ZRANB2: variants seen among roughly 807,000 people sequenced by gnomAD.
The protein encoded by ZRANB2 is zinc finger RANBP2-type containing 2.
A neutral mutation model predicts 53.4 loss-of-function variants in ZRANB2; 19 were observed. That is an observed-to-expected ratio of 0.36 (90% CI 0.25 to 0.52). ZRANB2 has a LOEUF of 0.52. ZRANB2 is among the 20% of genes least tolerant of loss of function. ZRANB2 has a pLI of 0.93. For missense variants in ZRANB2, 309 were observed against 401.1 expected (o/e 0.77, Z 1.96); for synonymous variants, 145 against 134.8 (o/e 1.08, Z -0.52).
chr1:71,070,769 TA>T (rs1477065354), intron 7 of ZRANB2, 57 bp downstream of exon 7: 1 of 1,067,304 alleles, frequency 9.4e-7, no homozygotes, highest in Non-Finnish European at 1.3e-6. Context: ...AATTTATAAA[TA>T]AAAAAGTTAG....
chr1:71,080,846 C>T (rs1283937425), intron 1 of ZRANB2, 94 bp downstream of exon 1: 4 of 1,465,144 alleles, frequency 2.7e-6, no homozygotes, highest in Non-Finnish European at 3.8e-6. Context: ...CGTCTTAAGG[C>T]ACAGAAAATC....
chr1:71,064,777 G>A lies in ZRANB2; in HGVS notation c.*297C>T. ...CAATGGACAGGATGTATTTGGAAAT[G>A]ACAAAAATGGGTTTAAATTAGGAAG... is the stretch of plus-strand genomic sequence containing the variant. On this transcript the variant is annotated 3_prime_UTR_variant, in exon 10 of 10. Coordinates refer to ENST00000370920, the MANE Select transcript of ZRANB2 (RefSeq NM_203350.3). The A allele has an allele frequency of 4.6e-6, 1 of 216,414 alleles. No individual in the cohort carries two copies. Among genetic ancestry groups the A allele is most frequent in the East Asian group, 1.1e-4 (1 of 9,102 alleles). 13.4% of individuals were successfully genotyped at this position (216,414 alleles called of 1,614,324 possible). A position where few individuals can be genotyped will look rare whatever the true frequency, so the allele number is the denominator to read the frequency against.
At chr1:71,072,812 G>A (rs140978852) in intron 4 of ZRANB2, among the ~76,000 whole-genome samples, 2 of 152,034 alleles carry the variant, frequency 1.3e-5, no homozygotes, top group Non-Finnish European at 2.9e-5. Flanking sequence ...GAAAGTATTG[G>A]TGGAAAACAT....
At chr1:71,072,328 T>C in intron 5 of ZRANB2, 73 bp from the exon 6 acceptor site, 2 of 1,464,564 alleles carry the variant, frequency 1.4e-6, no homozygotes, top group South Asian at 1.3e-5. Flanking sequence ...TAAAAAATTA[T>C]TTTAGATATT....
chr1:71,080,877 A>G, intron 1 of ZRANB2, 63 bp downstream of exon 1: 5 of 1,579,802 alleles, frequency 3.2e-6, no homozygotes, highest in Non-Finnish European at 4.4e-6. Context: ...AAAATGCCGG[A>G]CGGACCTCGG....
At chr1:71,067,882 T>C (rs925700590) in intron 8 of ZRANB2, among the ~76,000 whole-genome samples, 10 of 151,612 alleles carry the variant, frequency 6.6e-5, no homozygotes, top group Non-Finnish European at 1.3e-4. Context: ...CTTCTATTTT[T>C]TTTTTTTTTT....
intron 1 of ZRANB2, among the ~76,000 whole-genome samples, chr1:71,079,846 C>T (rs1479059683): frequency 2.0e-5 from 3 of 152,158 alleles, no homozygotes; most frequent in Non-Finnish European, 2.9e-5. Flanking sequence ...CTATCCATAA[C>T]ATATAACTTT....
chr1:71,080,431 G>A (rs1661813450), intron 1 of ZRANB2, among the ~76,000 whole-genome samples: 1 of 152,170 alleles, frequency 6.6e-6, no homozygotes, highest in Non-Finnish European at 1.5e-5. Flanking sequence ...CCAAACCGAA[G>A]AGGGTAGAGC....
In ZRANB2 at chr1:71,070,874, T is replaced by C. The variant is rs200465322; in HGVS notation, c.636A>G (p.Arg212=). The change falls in exon 7 of 10, where the codon CGA becomes CGG. Residue 212 remains arginine, a synonymous_variant. Transcript: ENST00000370920. ...SRSKSRSSHS[R]SSSRSSSPSS... is the part of the protein sequence containing the mutation. ...AGGGGGAGGATGAGCGTGATGAAGATCGTGAATGTGAAGATCGAGACTTTG... is the reference window on the plus strand; with the variant it reads ...AGGGGGAGGATGAGCGTGATGAAGACCGTGAATGTGAAGATCGAGACTTTG... 1.5e-4 allele frequency: 248 copies of C among 1,610,024 alleles called. 1 individual carries two copies. Among genetic ancestry groups the C allele is most frequent in the South Asian group, 7.4e-4 (67 of 90,590 alleles).
chr1:71,068,820 CCT>C (rs1165480735), intron 8 of ZRANB2, among the ~76,000 whole-genome samples: 8 of 149,076 alleles, frequency 5.4e-5, no homozygotes, highest in South Asian at 2.1e-4. Flanking sequence ...TTGAGACACT[CCT>C]CTGTCACCCA....
At chr1:71,077,761 TGA>T (rs1303391287) in intron 3 of ZRANB2, among the ~76,000 whole-genome samples, 1 of 151,948 alleles carries the variant, frequency 6.6e-6, no homozygotes, top group Non-Finnish European at 1.5e-5. Context: ...GAGGCTGAAG[TGA>T]GAGGATTGCT....
intron 8 of ZRANB2, chr1:71,067,589 A>C (rs1661476551): frequency 5.0e-6 from 2 of 401,368 alleles, no homozygotes; most frequent in Non-Finnish European, 9.8e-6. Context: ...GTTTAAATAC[A>C]AATTTTTTTT....
At chr1:71,080,826 C>A in intron 1 of ZRANB2, 114 bp downstream of exon 1, 2 of 1,253,170 alleles carry the variant, frequency 1.6e-6, no homozygotes, top group Non-Finnish European at 2.3e-6. Context: ...GGCGGTTCGC[C>A]GCCTCAACCC....
intron 1 of ZRANB2, among the ~76,000 whole-genome samples, chr1:71,080,059 AG>A (rs1374600310): frequency 6.6e-6 from 1 of 152,162 alleles, no homozygotes; most frequent in African/African-American, 2.4e-5. Flanking sequence ...AACTAAACCC[AG>A]GTTTATTTCA....
rs1661383457 is a variant in ZRANB2 at position 71,064,762 on chromosome 1, G to A, written c.*312C>T. The A allele has an allele frequency of 1.0e-5, 2 of 200,866 alleles. No individual in the cohort carries two copies. Among genetic ancestry groups the A allele is most frequent in the African/African-American group, 4.7e-5 (2 of 42,884 alleles). 12.4% of individuals were successfully genotyped at this position (200,866 alleles called of 1,614,324 possible). On this transcript the variant is annotated 3_prime_UTR_variant, in exon 10 of 10. Coordinates refer to ENST00000370920, the MANE Select transcript of ZRANB2 (RefSeq NM_203350.3). ...TAATCCTGTCTTAGCCAATGGACAG[G>A]ATGTATTTGGAAATGACAAAAATGG...
At chr1:71,075,564 A>G (rs1661690112) in intron 4 of ZRANB2, among the ~76,000 whole-genome samples, 1 of 152,186 alleles carries the variant, frequency 6.6e-6, no homozygotes, top group Non-Finnish European at 1.5e-5. Context: ...AGAAAACACC[A>G]TGAAAATAGA....
At chr1:71,080,207 C>T (rs1376636491) in intron 1 of ZRANB2, among the ~76,000 whole-genome samples, 2 of 150,924 alleles carry the variant, frequency 1.3e-5, no homozygotes, top group African/African-American at 4.9e-5. Flanking sequence ...ATTTGTGCAC[C>T]CTTCAAAAAA....
At chr1:71,066,214 T>G (rs1661431241) in intron 9 of ZRANB2, 1 of 157,006 alleles carries the variant, frequency 6.4e-6, no homozygotes, top group African/African-American at 2.4e-5. Flanking sequence ...AAAGTGTCAG[T>G]ACAGATAAAG....
chr1:71,067,618 G>T, intron 8 of ZRANB2: 1 of 432,184 alleles, frequency 2.3e-6, no homozygotes, highest in Non-Finnish European at 4.7e-6. Context: ...GTATATTTTG[G>T]TTGAAGGAAT....
Sources: gnomAD v4.1 joint callset for allele counts (sites outside exome capture counted in the v4.1 genomes callset) on GRCh38, gnomAD v4.1.1 for gene constraint, MANE v1.5 for transcripts, NCBI Gene and HGNC (gene_info 2026-07-23, HGNC 2026-07-21) for gene names.